The following CAPN13 variants were observed in gnomAD, a reference collection of about 807,000 sequenced individuals.
CAPN13 encodes the protein calpain 13.
CAPN13 carries 90 observed loss-of-function variants against 98.4 expected under a neutral mutation model. The ratio of observed to expected loss-of-function variants is 0.92; its 90% CI spans 0.77 to 1.09. The LOEUF is 1.09. Ranked by LOEUF, CAPN13 falls within the 50% of genes least tolerant of loss-of-function variation. CAPN13 has a pLI of 0.00. For synonymous variants in CAPN13, 330 were observed against 305.5 expected (o/e 1.08, Z -0.84); for missense variants, 887 against 841.3 (o/e 1.05, Z -0.67).
intron 1 of CAPN13, among the ~76,000 whole-genome samples, chr2:30,801,720 C>T (rs776678137): frequency 4.0e-4 from 61 of 151,470 alleles, no homozygotes; most frequent in Middle Eastern, 3.4e-3. Flanking sequence ...ACTGGCTGGG[C>T]GACAGAAAGG....
intron 7 of CAPN13, among the ~76,000 whole-genome samples, chr2:30,760,518 C>T (rs1230361163): frequency 6.6e-6 from 1 of 152,202 alleles, no homozygotes; most frequent in Non-Finnish European, 1.5e-5. Flanking sequence ...ACACTCACCC[C>T]TATGCCCAGG....
At chr2:30,753,243 C>A in intron 9 of CAPN13, 45 bp from the exon 10 acceptor site, 1 of 1,605,848 alleles carries the variant, frequency 6.2e-7, no homozygotes, top group South Asian at 1.1e-5. Flanking sequence ...GGGGTTGTGT[C>A]CCCAGGGTGG....
chr2:30,798,252 TGAA>T (rs1674990527), intron 1 of CAPN13, among the ~76,000 whole-genome samples: 1 of 152,238 alleles, frequency 6.6e-6, no homozygotes, highest in Non-Finnish European at 1.5e-5. Context: ...TGCATGGTAC[TGAA>T]GAAGAGAACT....
chr2:30,772,114 G>T (rs954487008), intron 4 of CAPN13, among the ~76,000 whole-genome samples: 1 of 152,146 alleles, frequency 6.6e-6, no homozygotes, highest in Non-Finnish European at 1.5e-5. Context: ...ATACAAAGGG[G>T]ACATCAGATA....
At chr2:30,725,335 T>C (rs996072302) in intron 22 of CAPN13, among the ~76,000 whole-genome samples, 1 of 152,216 alleles carries the variant, frequency 6.6e-6, no homozygotes, top group African/African-American at 2.4e-5. Context: ...ATATATATGA[T>C]GGGAAGAGAG....
chr2:30,769,796 G>A (rs572347905), intron 5 of CAPN13, among the ~76,000 whole-genome samples: 7 of 152,214 alleles, frequency 4.6e-5, no homozygotes, highest in African/African-American at 1.2e-4. Flanking sequence ...ATGCCACCTC[G>A]TAGCAGCCAC....
intron 7 of CAPN13, among the ~76,000 whole-genome samples, chr2:30,762,519 GTGTC>G: frequency 6.6e-6 from 1 of 152,146 alleles, no homozygotes; most frequent in East Asian, 1.9e-4. Flanking sequence ...GGACGTATGA[GTGTC>G]TCCTGGCCTC....
chr2:30,751,619 A>C (rs1359816217), intron 10 of CAPN13, among the ~76,000 whole-genome samples: 2 of 152,270 alleles, frequency 1.3e-5, no homozygotes, highest in African/African-American at 4.8e-5. Flanking sequence ...AAGCACAACT[A>C]GAGACAGGAA....
At chr2:30,792,759 C>T (rs1372980259) in intron 1 of CAPN13, among the ~76,000 whole-genome samples, 1 of 151,334 alleles carries the variant, frequency 6.6e-6, no homozygotes, top group African/African-American at 2.4e-5. Flanking sequence ...AATCTTCTTC[C>T]TGAAAAAAAA....
At chr2:30,765,477 G>T (rs1023274222) in intron 5 of CAPN13, among the ~76,000 whole-genome samples, 4 of 152,204 alleles carry the variant, frequency 2.6e-5, no homozygotes, top group African/African-American at 9.6e-5. Context: ...TGCAGCTTTT[G>T]TTCTGGTAAT....
rs1347067529 is a variant in CAPN13 at position 30,732,643 on chromosome 2, C to T, written c.1799-77G>A. On this transcript the variant is annotated intron_variant, in intron 19 of 22. Coordinates refer to ENST00000295055, the MANE Select transcript of CAPN13 (RefSeq NM_144575.3). ...CCTCTGCCTCTCAGGGTCTGAGACA[C>T]CTGTTCAGAGGGCCCGGCCACCTCC... is the stretch of plus-strand genomic sequence containing the variant. 8 of 1,532,882 alleles carry T rather than the reference C, an allele frequency of 5.2e-6. No individual in the cohort carries two copies. In the South Asian group the frequency reaches 8.4e-5, roughly 16 times the overall value. The allele number at this position is 1,532,882 out of a possible 1,614,324, so 95.0% of individuals were successfully genotyped here.
chr2:30,799,911 A>T (rs558509153), intron 1 of CAPN13, among the ~76,000 whole-genome samples: 77 of 152,076 alleles, frequency 5.1e-4, no homozygotes, highest in Middle Eastern at 3.4e-3. Context: ...GTCTCTACTA[A>T]AAATACAAAA....
intron 5 of CAPN13, among the ~76,000 whole-genome samples, chr2:30,767,396 T>C (rs1673166372): frequency 6.6e-6 from 1 of 152,212 alleles, no homozygotes; most frequent in Admixed American, 6.5e-5. Context: ...TCCACGTTCC[T>C]ATTTCTTTTC....
In CAPN13 at chr2:30,776,008, AGT is replaced by A; in HGVS notation, c.307_308del (p.Thr103SerfsTer39). On this transcript the variant is annotated frameshift_variant, in exon 4 of 23. Transcript: ENST00000295055. LOFTEE classifies it high-confidence loss of function. ...TCTTCTGCCTGTACTGTGGGTTCTGAGTCAAGGATCCCAGTGCTGCCAGGAAC... is the reference window on the plus strand; with the variant it reads ...TCTTCTGCCTGTACTGTGGGTTCTGACAAGGATCCCAGTGCTGCCAGGAAC... ...CWFLAALGSL[T>X]QNPQYRQKIL... 6.2e-7 allele frequency: 1 copy of A among 1,613,182 alleles called. No homozygotes were observed. Among genetic ancestry groups the A allele is most frequent in the Admixed American group, 1.7e-5 (1 of 59,950 alleles).
At chr2:30,768,421 T>C (rs1673216772) in intron 5 of CAPN13, among the ~76,000 whole-genome samples, 1 of 152,018 alleles carries the variant, frequency 6.6e-6, no homozygotes, top group Non-Finnish European at 1.5e-5. Flanking sequence ...GACAGGTGAC[T>C]GGGTGGGAGG....
At chr2:30,766,555 AG>A (rs1474216253) in intron 5 of CAPN13, among the ~76,000 whole-genome samples, 4 of 152,198 alleles carry the variant, frequency 2.6e-5, no homozygotes, top group African/African-American at 9.7e-5. Flanking sequence ...GGAAGTAGAA[AG>A]GAGAGAGAGA....
chr2:30,792,622 T>C (rs1674659752), intron 1 of CAPN13, among the ~76,000 whole-genome samples: 1 of 152,074 alleles, frequency 6.6e-6, no homozygotes, highest in Non-Finnish European at 1.5e-5. Flanking sequence ...TGAATTCTAT[T>C]ACACCTTCAA....
chr2:30,743,285 A>G, intron 13 of CAPN13, 98 bp downstream of exon 13: 1 of 1,065,648 alleles, frequency 9.4e-7, no homozygotes, highest in Non-Finnish European at 1.4e-6. Context: ...GACATAGCAC[A>G]GGCTGCACGA....
At chr2:30,745,260 T>A in intron 12 of CAPN13, 1 of 473,422 alleles carries the variant, frequency 2.1e-6, no homozygotes, top group South Asian at 1.5e-5. Context: ...CTGAGCCAGA[T>A]GATCTGTTTA....
Sources: gnomAD v4.1 joint callset for allele counts (sites outside exome capture counted in the v4.1 genomes callset) on GRCh38, gnomAD v4.1.1 for gene constraint, MANE v1.5 for transcripts, NCBI Gene and HGNC (gene_info 2026-07-23, HGNC 2026-07-21) for gene names.